Variants in ADGRL2 observed in about 807,000 individuals in gnomAD.
ADGRL2 encodes the protein adhesion G protein-coupled receptor L2.
ADGRL2 carries 44 observed loss-of-function variants against 157.4 expected under a neutral mutation model. That is an observed-to-expected ratio of 0.28 (90% CI 0.22 to 0.36). The LOEUF (loss-of-function observed/expected upper bound fraction) is 0.36. ADGRL2 is among the 10% of genes least tolerant of loss of function. The pLI, the probability that ADGRL2 is intolerant of heterozygous loss-of-function variation, is 1.00. For synonymous variants in ADGRL2, 585 were observed against 624.7 expected (o/e 0.94, Z 0.95); for missense variants, 1,510 against 1,768.9 (o/e 0.85, Z 2.63).
chr1:81,661,452 A>T (rs2148880889), intron 3 of ADGRL2, among the ~76,000 whole-genome samples: 1 of 152,310 alleles, frequency 6.6e-6, no homozygotes, highest in South Asian at 2.1e-4. Context: ...AAGAATTCTT[A>T]ACTATTCCAT....
At chr1:81,857,010 A>AG (rs1348426970) in intron 2 of ADGRL2, among the ~76,000 whole-genome samples, 1 of 152,200 alleles carries the variant, frequency 6.6e-6, no homozygotes, top group Non-Finnish European at 1.5e-5. Context: ...AAATCTAAAA[A>AG]CAATGACTGC....
intron 1 of ADGRL2, among the ~76,000 whole-genome samples, chr1:81,435,498 A>T (rs2077393305): frequency 6.6e-6 from 1 of 152,224 alleles, no homozygotes; most frequent in African/African-American, 2.4e-5. Flanking sequence ...AGAAATTTTA[A>T]AAGGGAAACC....
At chr1:81,981,515 A>G (rs548181936) in intron 18 of ADGRL2, among the ~76,000 whole-genome samples, 2 of 152,086 alleles carry the variant, frequency 1.3e-5, no homozygotes, top group Admixed American at 6.6e-5. Flanking sequence ...AAATGCACAT[A>G]AAAGACAAAG....
At chr1:81,544,433 C>T (rs908914609) in intron 2 of ADGRL2, among the ~76,000 whole-genome samples, 1 of 152,022 alleles carries the variant, frequency 6.6e-6, no homozygotes, top group Non-Finnish European at 1.5e-5. Flanking sequence ...CTTATGTCTT[C>T]GAATCTAGGA....
At chr1:81,693,146 G>A (rs2083376349) in intron 3 of ADGRL2, among the ~76,000 whole-genome samples, 1 of 152,000 alleles carries the variant, frequency 6.6e-6, no homozygotes, top group South Asian at 2.1e-4. Context: ...TCTCCTCCAA[G>A]AGCCTTCTGC....
chr1:81,715,064 A>G (rs928627337), intron 1 of ADGRL2, among the ~76,000 whole-genome samples: 3 of 151,990 alleles, frequency 2.0e-5, no homozygotes, highest in Non-Finnish European at 2.9e-5. Flanking sequence ...GTAGATTTAC[A>G]TAAAGTTAAG....
chr1:81,711,668 C>T (rs1403193642), intron 1 of ADGRL2, among the ~76,000 whole-genome samples: 1 of 152,114 alleles, frequency 6.6e-6, no homozygotes, highest in African/African-American at 2.4e-5. Context: ...TTTGGTGCCA[C>T]AGTTTTAATT....
At chr1:81,737,616 G>A (rs2084945647) in intron 1 of ADGRL2, among the ~76,000 whole-genome samples, 1 of 152,142 alleles carries the variant, frequency 6.6e-6, no homozygotes, top group Non-Finnish European at 1.5e-5. Context: ...CCATAAAAGA[G>A]GGAATATTCT....
chr1:81,379,409 AC>A (rs966594140), intron 1 of ADGRL2, among the ~76,000 whole-genome samples: 2 of 151,762 alleles, frequency 1.3e-5, no homozygotes, highest in African/African-American at 4.8e-5. Flanking sequence ...GCTCAGTGAG[AC>A]CCCCTTCCTT....
chr1:81,432,561 A>C (rs2077340591), intron 1 of ADGRL2, among the ~76,000 whole-genome samples: 1 of 152,206 alleles, frequency 6.6e-6, no homozygotes, highest in Non-Finnish European at 1.5e-5. Flanking sequence ...TTTTGTCATA[A>C]GTGAAATGTT....
intron 1 of ADGRL2, among the ~76,000 whole-genome samples, chr1:81,388,203 T>G (rs1467293003): frequency 6.6e-6 from 1 of 152,308 alleles, no homozygotes; most frequent in East Asian, 1.9e-4. Context: ...CCCTTCTGAC[T>G]GATGATTCTC....
At chr1:81,393,446 A>G (rs2076596402) in intron 1 of ADGRL2, among the ~76,000 whole-genome samples, 1 of 152,006 alleles carries the variant, frequency 6.6e-6, no homozygotes, top group Admixed American at 6.6e-5. Flanking sequence ...TACTTCATAC[A>G]TGAGGCCCTC....
intron 2 of ADGRL2, among the ~76,000 whole-genome samples, chr1:81,791,371 G>C (rs1438590953): frequency 4.6e-5 from 7 of 152,104 alleles, no homozygotes; most frequent in Admixed American, 4.6e-4. Flanking sequence ...TGTTATAGCT[G>C]GGTCTGTGGA....
intron 3 of ADGRL2, among the ~76,000 whole-genome samples, chr1:81,608,758 C>T (rs1401527290): frequency 1.3e-5 from 2 of 152,202 alleles, no homozygotes; most frequent in Admixed American, 6.5e-5. Flanking sequence ...CATTAGCTGA[C>T]TTTCCTTCTA....
intron 1 of ADGRL2, among the ~76,000 whole-genome samples, chr1:81,815,919 TCA>T (rs1386924981): frequency 6.6e-6 from 1 of 151,794 alleles, no homozygotes; most frequent in Non-Finnish European, 1.5e-5. Flanking sequence ...ATCTTAGAAT[TCA>T]CATTTTCTGG....
At chr1:81,548,775 G>A (rs1370968377) in intron 2 of ADGRL2, among the ~76,000 whole-genome samples, 1 of 152,096 alleles carries the variant, frequency 6.6e-6, no homozygotes, top group African/African-American at 2.4e-5. Flanking sequence ...AAACTTTCGT[G>A]AGTCCCAAAT....
chr1:81,869,353 AAAAG>A (rs1458807666), intron 2 of ADGRL2, among the ~76,000 whole-genome samples: 5 of 152,126 alleles, frequency 3.3e-5, no homozygotes, highest in African/African-American at 1.2e-4. Context: ...CACGCTTAAA[AAAAG>A]AGACTGGAAG....
Position 81,907,225 on chromosome 1 carries a change from T to C in ADGRL2, c.282T>C (p.Thr94=). 2 of 1,612,546 alleles carry C rather than the reference T, an allele frequency of 1.2e-6. No individual in the cohort carries two copies. The highest frequency in any genetic ancestry group is 1.7e-6 in the Non-Finnish European group (2 of 1,178,576). The change falls in exon 3 of 24, where the codon ACT becomes ACC. Residue 94 remains threonine (T), a synonymous_variant. Coordinates refer to ENST00000686636, the MANE Select transcript of ADGRL2 (RefSeq NM_001366006.2). ...TCCCCGATGCCTTCAAAATTATGAC[T>C]CAAAGGTAAATATTCATGTGTTAAT... ...CYLPDAFKIM[T]QRCNNRTQCI...
chr1:81,695,592 G>T (rs2083426166), upstream of ADGRL2, among the ~76,000 whole-genome samples: 1 of 152,094 alleles, frequency 6.6e-6, no homozygotes, highest in Non-Finnish European at 1.5e-5. Context: ...GACCAAGGTG[G>T]GTGGATCACT....
Sources: allele counts gnomAD v4.1 joint callset (sites outside exome capture counted in the v4.1 genomes callset), GRCh38; gene constraint gnomAD v4.1.1; transcripts MANE v1.5; gene names NCBI Gene and HGNC (gene_info 2026-07-23, HGNC 2026-07-21).